MBD5: variants seen among roughly 807,000 people sequenced by gnomAD.
The protein encoded by MBD5 is methyl-CpG-binding domain protein 5.
MBD5 carries 13 observed loss-of-function variants against 117.3 expected under a neutral mutation model. The observed-to-expected ratio is 0.11, with a 90% CI of 0.07 to 0.18. The LOEUF (loss-of-function observed/expected upper bound fraction) is 0.18, where lower values mean the gene tolerates loss of function less well. Ranked by LOEUF, MBD5 falls within the 10% of genes least tolerant of loss-of-function variation. The pLI is 1.00. For missense variants in MBD5, 1,879 were observed against 2,093.8 expected, an observed-to-expected ratio of 0.90 and a Z score of 2.00; for synonymous variants, 727 against 766.4, an observed-to-expected ratio of 0.95 and a Z score of 0.85.
At chr2:148,227,647 G>A (rs1699867268) in intron 2 of MBD5, among the ~76,000 whole-genome samples, 1 of 152,168 alleles carries the variant, frequency 6.6e-6, no homozygotes, top group Non-Finnish European at 1.5e-5. Flanking sequence ...CCAATTCTGT[G>A]AAGAAAGTCT....
rs545190534 is a variant in MBD5, at chr2:148,273,163, T to C, written c.-680+39768T>C. On this transcript the variant is annotated intron_variant, in intron 3 of 13. Transcript: ENST00000642680. ...GAGAAATCTGACAGAGCTGACTCCA[T>C]CATGCTTCCAACCTCACAAAATGCC... is the stretch of plus-strand genomic sequence containing the variant. Among the ~76,000 whole-genome samples the C allele has an allele frequency of 3.3e-5, 5 of 152,308 alleles. No homozygotes were observed. In the East Asian group the frequency reaches 9.6e-4, roughly 29 times the overall value.
chr2:148,278,953 T>G (rs1317851169), intron 3 of MBD5, among the ~76,000 whole-genome samples: 2 of 152,178 alleles, frequency 1.3e-5, no homozygotes, highest in Non-Finnish European at 2.9e-5. Flanking sequence ...GTGTCATGAC[T>G]CCAGGAGAGA....
In MBD5 at chr2:148,514,150, A is replaced by G. The variant is rs1343345343; in HGVS notation, c.*1209A>G. 1 of 152,216 alleles carries G rather than the reference A, an allele frequency of 6.6e-6. No homozygotes were observed. The allele number at this position is 152,216 out of a possible 1,614,324, so 9.4% of individuals were successfully genotyped here. ...TTATTTTATTTAAAGAATTATTTAT[A>G]CCATTAACAGATTCTTATATATATT... On this transcript the variant is annotated 3_prime_UTR_variant, in exon 14 of 14. Coordinates refer to ENST00000642680, the MANE Select transcript of MBD5 (RefSeq NM_001378120.1).
At chr2:148,404,477 A>C (rs202000033) in intron 4 of MBD5, among the ~76,000 whole-genome samples, 143 of 151,518 alleles carry the variant, frequency 9.4e-4, no homozygotes, top group African/African-American at 3.3e-3. Flanking sequence ...TTTCTCTCCC[A>C]GTGTGTTTCT....
At chr2:148,374,681 C>T (rs1703947573) in intron 4 of MBD5, among the ~76,000 whole-genome samples, 1 of 152,146 alleles carries the variant, frequency 6.6e-6, no homozygotes, top group Admixed American at 6.6e-5. Flanking sequence ...AGACAAAGTA[C>T]CTCCTCTCAG....
At chr2:148,382,332 A>C (rs959759088) in intron 4 of MBD5, among the ~76,000 whole-genome samples, 5 of 152,158 alleles carry the variant, frequency 3.3e-5, no homozygotes, top group African/African-American at 4.8e-5. Context: ...AGACTTTAAA[A>C]CAACAAAGAT....
chr2:148,262,473 C>T (rs1175583033), intron 3 of MBD5, among the ~76,000 whole-genome samples: 3 of 152,130 alleles, frequency 2.0e-5, no homozygotes, highest in Non-Finnish European at 4.4e-5. Context: ...ATGGCTCTCA[C>T]TCTACAAGAG....
intron 4 of MBD5, among the ~76,000 whole-genome samples, chr2:148,442,663 T>C (rs67948770): frequency 0.25 from 37,140 of 151,014 alleles, 5,852 homozygotes; most frequent in African/African-American, 0.39. Context: ...TATATGATTG[T>C]GATAAGGATT....
intron 4 of MBD5, among the ~76,000 whole-genome samples, chr2:148,454,186 T>C (rs1267895418): frequency 6.6e-6 from 1 of 152,062 alleles, no homozygotes; most frequent in Admixed American, 6.6e-5. Flanking sequence ...AGAAAAAAAG[T>C]GGTAATGATT....
chr2:148,227,804 T>C (rs1238038495), intron 2 of MBD5, among the ~76,000 whole-genome samples: 1 of 152,236 alleles, frequency 6.6e-6, no homozygotes, highest in African/African-American at 2.4e-5. Flanking sequence ...CAGTGGTTTG[T>C]AGTTCTCCTT....
At chr2:148,455,190 A>G (rs1242345034) in intron 4 of MBD5, among the ~76,000 whole-genome samples, 1 of 152,130 alleles carries the variant, frequency 6.6e-6, no homozygotes, top group Non-Finnish European at 1.5e-5. Context: ...AATGATAACT[A>G]TATTGGATTT....
At chr2:148,390,483 A>G (rs1186113175) in intron 4 of MBD5, among the ~76,000 whole-genome samples, 4 of 148,630 alleles carry the variant, frequency 2.7e-5, no homozygotes, top group African/African-American at 1.0e-4. Flanking sequence ...ATATATAAGT[A>G]TATATATGTG....
intron 1 of MBD5, among the ~76,000 whole-genome samples, chr2:148,153,107 C>T (rs948082300): frequency 6.6e-6 from 1 of 151,664 alleles, no homozygotes; most frequent in African/African-American, 2.4e-5. Context: ...TTAGCGCTTC[C>T]TTCAGGAGCT....
At chr2:148,390,077 A>G (rs551383864) in intron 4 of MBD5, among the ~76,000 whole-genome samples, 2 of 152,246 alleles carry the variant, frequency 1.3e-5, no homozygotes, top group East Asian at 3.9e-4. Flanking sequence ...TCTTTAATAC[A>G]TCTTGAGTTA....
intron 1 of MBD5, among the ~76,000 whole-genome samples, chr2:148,061,906 A>C (rs1414421897): frequency 6.6e-6 from 1 of 150,676 alleles, no homozygotes; most frequent in Non-Finnish European, 1.5e-5. Context: ...GATTTTAAAT[A>C]TTTCCCATGG....
chr2:148,252,841 C>T (rs1700498041), intron 3 of MBD5, among the ~76,000 whole-genome samples: 1 of 152,210 alleles, frequency 6.6e-6, no homozygotes, highest in Non-Finnish European at 1.5e-5. Context: ...TGAGCCACTG[C>T]ACCCAGCCTG....
rs372484941 is a variant in MBD5 at position 148,337,798 on chromosome 2, CT to C, written c.-679-4409del. On this transcript the variant is annotated intron_variant, in intron 3 of 13. Coordinates refer to ENST00000642680, the MANE Select transcript of MBD5 (RefSeq NM_001378120.1). Reference sequence around the variant, plus strand: ...AAAGTAGCTTTATTGGCAAAGGTATCTTTTTTTCCTTCACTGCTTCCTGACC... The same window carrying C: ...AAAGTAGCTTTATTGGCAAAGGTATCTTTTTTCCTTCACTGCTTCCTGACC... Among the ~76,000 whole-genome samples, 255 of 152,226 alleles carry C rather than the reference CT, an allele frequency of 1.7e-3. 1 individual carries two copies. The highest frequency in any genetic ancestry group is 5.7e-3 in the African/African-American group (238 of 41,530).
At chr2:148,164,442 A>T (rs1228782281) in intron 1 of MBD5, among the ~76,000 whole-genome samples, 3 of 152,018 alleles carry the variant, frequency 2.0e-5, no homozygotes, top group Non-Finnish European at 4.4e-5. Flanking sequence ...AGCAGTGCCC[A>T]TTTTCCAACC....
chr2:148,397,988 A>C (rs1257412982), intron 4 of MBD5, among the ~76,000 whole-genome samples: 2 of 152,074 alleles, frequency 1.3e-5, no homozygotes, highest in Non-Finnish European at 2.9e-5. Flanking sequence ...TGAACTCATC[A>C]TTTTTTATGG....
Sources: gnomAD v4.1 joint callset for allele counts (sites outside exome capture counted in the v4.1 genomes callset) on GRCh38, gnomAD v4.1.1 for gene constraint, MANE v1.5 for transcripts, NCBI Gene and HGNC (gene_info 2026-07-23, HGNC 2026-07-21) for gene names.